TMEM50A: variants seen among roughly 807,000 people sequenced by gnomAD.
TMEM50A encodes transmembrane protein 50A, also known as cervical cancer oncogene 9.
A neutral mutation model predicts 23.9 loss-of-function variants in TMEM50A; 8 were observed. That is an observed-to-expected ratio of 0.33 (90% CI 0.20 to 0.60). TMEM50A has a LOEUF of 0.60. Ranked by LOEUF, TMEM50A falls within the 20% of genes least tolerant of loss-of-function variation. TMEM50A has a pLI of 0.81. For synonymous variants in TMEM50A, 55 were observed against 60.4 expected (o/e 0.91, Z 0.41); for missense variants, 178 against 192.7 (o/e 0.92, Z 0.45).
chr1:25,349,446 GTTTTAC>G (rs751444670), intron 3 of TMEM50A, among the ~76,000 whole-genome samples: 48 of 151,956 alleles, frequency 3.2e-4, no homozygotes, highest in Admixed American at 3.3e-4. Context: ...ATTTATTTGT[GTTTTAC>G]TTTTATATAT....
At chr1:25,354,419 C>T (rs1205409778) in intron 5 of TMEM50A, among the ~76,000 whole-genome samples, 13 of 152,192 alleles carry the variant, frequency 8.5e-5, no homozygotes, top group South Asian at 6.2e-4. Context: ...TTGAGACCAG[C>T]TTGGACAACA....
At chr1:25,352,731 G>T in intron 4 of TMEM50A, 151 bp from the exon 5 acceptor site, 1 of 633,462 alleles carries the variant, frequency 1.6e-6, no homozygotes. Context: ...GTACACTGAT[G>T]AAGATGTTTA....
intron 6 of TMEM50A, 30 bp from the exon 7 acceptor site, chr1:25,360,630 G>A: frequency 6.2e-7 from 1 of 1,612,310 alleles, no homozygotes. Flanking sequence ...AATTCAGGGA[G>A]TCATGTGATA....
intron 2 of TMEM50A, among the ~76,000 whole-genome samples, chr1:25,341,565 G>C (rs3093581): frequency 1.3e-5 from 2 of 152,174 alleles, no homozygotes; most frequent in African/African-American, 4.8e-5. Flanking sequence ...TTTTAGTAGA[G>C]ACGGGGTTTC....
intron 2 of TMEM50A, among the ~76,000 whole-genome samples, chr1:25,341,492 T>C (rs3093579): frequency 0.94 from 143,711 of 152,096 alleles, 68,382 homozygotes; most frequent in South Asian, 1. Flanking sequence ...GTGATCCGCC[T>C]GCCTCGGCCT....
intron 6 of TMEM50A, 76 bp from the exon 7 acceptor site, chr1:25,360,584 C>T: frequency 6.6e-7 from 1 of 1,525,562 alleles, no homozygotes; most frequent in Admixed American, 1.7e-5. Flanking sequence ...TTGTTTGTTT[C>T]ACACCATTCT....
At chr1:25,350,075 G>A (rs1571802327) in intron 3 of TMEM50A, among the ~76,000 whole-genome samples, 1 of 152,092 alleles carries the variant, frequency 6.6e-6, no homozygotes, top group Non-Finnish European at 1.5e-5. Context: ...CTGTATCAAG[G>A]ATTTAAAAAA....
intron 6 of TMEM50A, among the ~76,000 whole-genome samples, chr1:25,358,815 G>A (rs1645363340): frequency 6.6e-6 from 1 of 152,196 alleles, no homozygotes; most frequent in African/African-American, 2.4e-5. Flanking sequence ...GACAGTAGAG[G>A]CCTCTAATAA....
intron 4 of TMEM50A, 85 bp downstream of exon 4, chr1:25,351,778 G>T: frequency 2.5e-6 from 3 of 1,187,622 alleles, no homozygotes; most frequent in African/African-American, 1.5e-5. Flanking sequence ...TTTTCTATTT[G>T]TTTTAATATA....
chr1:25,340,630 TG>T, intron 2 of TMEM50A, 51 bp downstream of exon 2: 1 of 1,431,162 alleles, frequency 7.0e-7, no homozygotes, highest in Non-Finnish European at 9.8e-7. Context: ...TTTGTGTTTA[TG>T]GGTTTTGAAT....
chr1:25,351,073 A>G (rs571896118), intron 3 of TMEM50A, among the ~76,000 whole-genome samples: 1 of 151,706 alleles, frequency 6.6e-6, no homozygotes, highest in South Asian at 2.1e-4. Context: ...CTGAGGCAGG[A>G]GAATGGCGTA....
At chr1:25,348,273 C>T (rs1258861287) in intron 3 of TMEM50A, among the ~76,000 whole-genome samples, 1 of 152,168 alleles carries the variant, frequency 6.6e-6, no homozygotes, top group African/African-American at 2.4e-5. Context: ...AGTCAAAAAG[C>T]AGCTATTCTT....
At chr1:25,342,258 T>C (rs143943501) in intron 2 of TMEM50A, among the ~76,000 whole-genome samples, 1 of 152,220 alleles carries the variant, frequency 6.6e-6, no homozygotes, top group African/African-American at 2.4e-5. Context: ...GGGGTTACTT[T>C]TAAAATCTTC....
chr1:25,339,829 T>G (rs1246286937), intron 1 of TMEM50A, among the ~76,000 whole-genome samples: 1 of 152,244 alleles, frequency 6.6e-6, no homozygotes, highest in African/African-American at 2.4e-5. Context: ...AATAATAGGA[T>G]GTGACAGATT....
In TMEM50A at chr1:25,340,494, G is replaced by A; in HGVS notation, c.8G>A (p.Gly3Glu). Reference sequence around the variant, plus strand: ...TTAAGTGACCTGAAAAAAATGTCTGGATTTCTAGAGGGCTTGAGATGCTCA... The same window carrying A: ...TTAAGTGACCTGAAAAAAATGTCTGAATTTCTAGAGGGCTTGAGATGCTCA... MSGFLEGLRCSEC... is the reference protein window; with the variant it reads MSEFLEGLRCSEC... Residue 3 changes from glycine to glutamate, a missense_variant, in exon 2 of 7, where the codon GGA becomes GAA. Gly to Glu is a moderately conservative substitution (Grantham distance 98, BLOSUM62 -2). Coordinates refer to ENST00000374358, the MANE Select transcript of TMEM50A (RefSeq NM_014313.4). 1 of 1,611,748 alleles carries A rather than the reference G, an allele frequency of 6.2e-7. No homozygotes were observed. Among genetic ancestry groups the A allele is most frequent in the South Asian group, 1.1e-5 (1 of 90,346 alleles).
chr1:25,342,881 C>A, intron 2 of TMEM50A, 80 bp from the exon 3 acceptor site: 1 of 1,096,246 alleles, frequency 9.1e-7, no homozygotes, highest in Non-Finnish European at 1.3e-6. Flanking sequence ...TAAAAGGGAT[C>A]TCCTCACTTA....
intron 3 of TMEM50A, among the ~76,000 whole-genome samples, chr1:25,343,482 A>G (rs959089198): frequency 6.6e-6 from 1 of 152,192 alleles, no homozygotes; most frequent in Non-Finnish European, 1.5e-5. Context: ...AAATAAGTGC[A>G]AAGGAGAAAA....
At chr1:25,350,758 C>T (rs1311170650) in intron 3 of TMEM50A, among the ~76,000 whole-genome samples, 1 of 152,174 alleles carries the variant, frequency 6.6e-6, no homozygotes, top group African/African-American at 2.4e-5. Flanking sequence ...GGGCCCCATG[C>T]CCAGAGTGTC....
intron 3 of TMEM50A, among the ~76,000 whole-genome samples, chr1:25,348,845 C>T (rs1469395606): frequency 6.6e-6 from 1 of 152,168 alleles, no homozygotes; most frequent in Non-Finnish European, 1.5e-5. Context: ...AACTCTTCTC[C>T]ACTTCCTTTC....
Sources: gnomAD v4.1 joint callset for allele counts (sites outside exome capture counted in the v4.1 genomes callset) on GRCh38, gnomAD v4.1.1 for gene constraint, MANE v1.5 for transcripts, NCBI Gene and HGNC (gene_info 2026-07-23, HGNC 2026-07-21) for gene names.